Variants in PTPN3 observed in about 807,000 individuals in gnomAD.
The protein encoded by PTPN3 is tyrosine-protein phosphatase non-receptor type 3.
In PTPN3, 96 loss-of-function variants were observed where a neutral mutation model predicts 132.7. That is an observed-to-expected ratio of 0.72 (90% CI 0.61 to 0.86). The LOEUF (loss-of-function observed/expected upper bound fraction) is 0.86, where lower values mean the gene tolerates loss of function less well. PTPN3 is among the 40% of genes least tolerant of loss of function. PTPN3 has a pLI of 0.00. For synonymous variants in PTPN3, 398 were observed against 429.0 expected (o/e 0.93, Z 0.89); for missense variants, 1,125 against 1,159.6 (o/e 0.97, Z 0.43).
At chr9:109,386,536 A>AG (rs1839596148) in intron 22 of PTPN3, among the ~76,000 whole-genome samples, 1 of 152,198 alleles carries the variant, frequency 6.6e-6, no homozygotes. Context: ...GGCGGCTCAC[A>AG]CAGGAGGAGG....
chr9:109,516,227 C>T, the PTPN3 span, among the ~76,000 whole-genome samples: 13 of 152,142 alleles, frequency 8.5e-5, no homozygotes, highest in South Asian at 2.1e-4. Flanking sequence ...TGCCAGACAC[C>T]GGGATACAAA....
At chr9:109,490,132 G>A (rs912052195) in intron 1 of PTPN3, among the ~76,000 whole-genome samples, 4 of 151,902 alleles carry the variant, frequency 2.6e-5, no homozygotes, top group African/African-American at 7.3e-5. Flanking sequence ...GCAGTGAGCC[G>A]AGATCGCGCC....
Position 109,463,310 on chromosome 9 carries a change from G to T in PTPN3, c.125C>A (p.Thr42Asn). The T allele has an allele frequency of 6.2e-7, 1 of 1,609,486 alleles. No individual in the cohort carries two copies. Among genetic ancestry groups the T allele is most frequent in the Non-Finnish European group, 8.5e-7 (1 of 1,178,446 alleles). The change falls in exon 2 of 26, where the codon ACC (threonine) becomes AAC (asparagine). Residue 42 changes from threonine to asparagine, a missense_variant. Coordinates refer to ENST00000374541, the MANE Select transcript of PTPN3 (RefSeq NM_002829.4). ...TAGAGAACTTACAGTAACTTTAAAG[G>T]TCTGTACCACGCCATCTAAAAAGTG... Reference protein sequence around the residue: ...SIHFLDGVVQTFKVTKQDTGQ... With the variant: ...SIHFLDGVVQNFKVTKQDTGQ...
intron 22 of PTPN3, 117 bp downstream of exon 22, chr9:109,389,116 G>C (rs1839839525): frequency 2.2e-6 from 3 of 1,345,138 alleles, no homozygotes; most frequent in Non-Finnish European, 2.0e-6. Flanking sequence ...AGGAGACTTA[G>C]GGTCACATAC....
chr9:109,534,044 G>C, the PTPN3 span: 1 of 770,036 alleles, frequency 1.3e-6, no homozygotes, highest in Non-Finnish European at 2.4e-6. Flanking sequence ...TACCTCCTGG[G>C]GTTATTCTTC....
the PTPN3 span, among the ~76,000 whole-genome samples, chr9:109,538,376 C>T: frequency 6.6e-6 from 1 of 152,292 alleles, no homozygotes. Context: ...AACCTCAGAA[C>T]TTGTCTCAGA....
intron 21 of PTPN3, 53 bp from the exon 22 acceptor site, chr9:109,389,432 G>C (rs939594809): frequency 1.9e-5 from 30 of 1,551,338 alleles, no homozygotes; most frequent in Non-Finnish European, 2.5e-5. Context: ...AGGGTGCACA[G>C]GGAACTGGAT....
At chr9:109,531,408 AC>A in the PTPN3 span, among the ~76,000 whole-genome samples, 1 of 152,148 alleles carries the variant, frequency 6.6e-6, no homozygotes, top group Non-Finnish European at 1.5e-5. Flanking sequence ...GATCTTATTA[AC>A]CCTGATCATG....
intron 1 of PTPN3, among the ~76,000 whole-genome samples, chr9:109,480,705 G>A (rs903344456): frequency 1.3e-5 from 2 of 152,116 alleles, no homozygotes; most frequent in Non-Finnish European, 2.9e-5. Flanking sequence ...GTGAATTTTT[G>A]TATATGGTAT....
At position 109,383,337 on chromosome 9, in the gene PTPN3, A is replaced by ACACCTAGAAGCGTGAC. The variant is rs564969169; in HGVS notation, c.2382+70_2382+85dup. On this transcript the variant is annotated intron_variant, in intron 23 of 25. Transcript: ENST00000374541. ...CGCTTGCCAGGTGCAAACAGAGTGC[A>ACACCTAGAAGCGTGAC]CACCTAGAAGCGTGACCACCTGGGA... is the stretch of plus-strand genomic sequence containing the variant. The ACACCTAGAAGCGTGAC allele has an allele frequency of 1.0e-4, 162 of 1,606,514 alleles. 3 individuals carry two copies. In the South Asian group the frequency reaches 1.8e-3, roughly 18 times the overall value.
At chr9:109,399,905 G>A (rs1190571076) in intron 19 of PTPN3, among the ~76,000 whole-genome samples, 3 of 150,062 alleles carry the variant, frequency 2.0e-5, no homozygotes, top group Non-Finnish European at 2.9e-5. Context: ...AGGACTAGAC[G>A]ACCCAGAGCT....
At chr9:109,389,446 A>T in intron 21 of PTPN3, 67 bp from the exon 22 acceptor site, 1 of 1,479,124 alleles carries the variant, frequency 6.8e-7, no homozygotes, top group Non-Finnish European at 9.2e-7. Flanking sequence ...ACTGGATTTT[A>T]AACTATTCTA....
chr9:109,442,198 C>T (rs1844526795), intron 7 of PTPN3, among the ~76,000 whole-genome samples: 1 of 152,006 alleles, frequency 6.6e-6, no homozygotes, highest in Admixed American at 6.5e-5. Context: ...CAGGGGTGTA[C>T]CACCACACCT....
Position 109,379,313 on chromosome 9 carries a change from T to G in PTPN3, c.*243A>C. On this transcript the variant is annotated 3_prime_UTR_variant, in exon 26 of 26. Transcript: ENST00000374541. ...GAAGGCATTAGGACAGGCCCCAAAC[T>G]GAGATCCTTTTTGTATCTTTCCATA... The G allele has an allele frequency of 9.9e-6, 5 of 502,974 alleles. No individual in the cohort carries two copies. The highest frequency in any genetic ancestry group is 1.4e-5 in the Non-Finnish European group (4 of 281,270). 31.2% of individuals were successfully genotyped at this position (502,974 alleles called of 1,614,324 possible).
At chr9:109,425,430 G>T (rs773567887) in intron 12 of PTPN3, among the ~76,000 whole-genome samples, 9 of 152,222 alleles carry the variant, frequency 5.9e-5, no homozygotes, top group Non-Finnish European at 1.2e-4. Context: ...AGAAAATATG[G>T]CCTGGCACGG....
At chr9:109,530,030 C>T in the PTPN3 span, among the ~76,000 whole-genome samples, 82 of 152,206 alleles carry the variant, frequency 5.4e-4, no homozygotes, top group Middle Eastern at 3.4e-3. Flanking sequence ...ATTACAGGTG[C>T]GAGCCACCAT....
At chr9:109,451,140 C>T (rs1845215431) in intron 5 of PTPN3, 15 of 960,310 alleles carry the variant, frequency 1.6e-5, no homozygotes, top group Non-Finnish European at 1.6e-5. Flanking sequence ...GCCTATAATC[C>T]CAGCTACTCA....
chr9:109,413,460 G>A (rs542908927), intron 14 of PTPN3, among the ~76,000 whole-genome samples: 5 of 152,354 alleles, frequency 3.3e-5, no homozygotes, highest in East Asian at 1.9e-4. Flanking sequence ...GCTGGCCACA[G>A]CACAGGGTGG....
the PTPN3 span, among the ~76,000 whole-genome samples, chr9:109,529,311 C>G: frequency 6.6e-6 from 1 of 152,240 alleles, no homozygotes; most frequent in African/African-American, 2.4e-5. Flanking sequence ...AATTCTCAGG[C>G]TCCACCACAG....
Sources: gnomAD v4.1 joint callset for allele counts (sites outside exome capture counted in the v4.1 genomes callset) on GRCh38, gnomAD v4.1.1 for gene constraint, MANE v1.5 for transcripts, NCBI Gene and HGNC (gene_info 2026-07-23, HGNC 2026-07-21) for gene names.